RGS1: variants seen among roughly 807,000 people sequenced by gnomAD.
The protein encoded by RGS1 is regulator of G protein signaling 1.
RGS1 carries 11 observed loss-of-function variants against 22.2 expected under a neutral mutation model. The ratio of observed to expected loss-of-function variants is 0.50; its 90% CI spans 0.31 to 0.82. The LOEUF is 0.82. Among genes scored for constraint, RGS1 ranks in the 40% least tolerant of loss-of-function variants. The pLI is 0.04. For missense variants in RGS1, 255 were observed against 245.8 expected (o/e 1.04, Z -0.25); for synonymous variants, 81 against 79.9 (o/e 1.01, Z -0.07).
intron 1 of RGS1, 113 bp downstream of exon 1, chr1:192,576,042 A>C: frequency 1.6e-6 from 2 of 1,246,868 alleles, no homozygotes; most frequent in Non-Finnish European, 2.2e-6. Flanking sequence ...AGATCAGAGG[A>C]GTTAATTGCC....
In RGS1 at chr1:192,576,385, A is replaced by G; in HGVS notation, c.218+20A>G. ...GGATGTGTAAGTACACTAATACACT[A>G]AACTATCATTATCATTTACAAGAGA... On this transcript the variant is annotated intron_variant, in intron 2 of 4. Transcript: ENST00000367459. 1 of 1,522,352 alleles carries G rather than the reference A, an allele frequency of 6.6e-7. No individual in the cohort carries two copies. Among genetic ancestry groups the G allele is most frequent in the Non-Finnish European group, 9.1e-7 (1 of 1,098,276 alleles). The allele number at this position is 1,522,352 out of a possible 1,614,324, so 94.3% of individuals were successfully genotyped here. A position where few individuals can be genotyped will look rare whatever the true frequency, so the allele number is the denominator to read the frequency against.
intron 4 of RGS1, chr1:192,578,918 C>CTA (rs1351421416): frequency 1.9e-6 from 1 of 517,444 alleles, no homozygotes; most frequent in East Asian, 3.3e-5. Flanking sequence ...CCTCTCCTAA[C>CTA]TATACTATGA....
chr1:192,578,357 C>T lies in RGS1; in HGVS notation c.416C>T (p.Ala139Val), dbSNP rs1337656984. 2 of 1,612,912 alleles carry T rather than the reference C, an allele frequency of 1.2e-6. No homozygotes were observed. Among genetic ancestry groups the T allele is most frequent in the South Asian group, 2.2e-5 (2 of 91,048 alleles). The stretch of plus-strand genomic sequence containing the variant: ...TGTAAAGCAGAAGAGATATATAAAG[C>T]ATTTGTGCATTCAGATGCTGCTAAA... ...LPCKAEEIYKAFVHSDAAKQI... is the reference protein window; with the variant it reads ...LPCKAEEIYKVFVHSDAAKQI... The change falls in exon 4 of 5, where the codon GCA becomes GTA. Residue 139 changes from alanine (A) to valine (V), a missense_variant. Coordinates refer to ENST00000367459, the MANE Select transcript of RGS1 (RefSeq NM_002922.4).
In RGS1 at chr1:192,579,310, T is replaced by C; in HGVS notation, c.618T>C (p.Asn206=). 3 of 1,612,418 alleles carry C rather than the reference T, an allele frequency of 1.9e-6. No homozygotes were observed. The highest frequency in any genetic ancestry group is 1.7e-6 in the Non-Finnish European group (2 of 1,178,992). ...YLNLLNDLQA[N]SLK is the part of the protein sequence containing the mutation. The stretch of plus-strand genomic sequence containing the variant: ...ATCTTCTAAATGACCTGCAGGCTAA[T>C]AGCCTAAAGTGACTGGTCCCTGGCT... The change falls in exon 5 of 5, where the codon AAT becomes AAC. Residue 206 remains asparagine (N), a synonymous_variant. Coordinates refer to ENST00000367459, the MANE Select transcript of RGS1 (RefSeq NM_002922.4).
intron 3 of RGS1, 45 bp from the exon 4 acceptor site, chr1:192,578,177 C>A (rs1276231404): frequency 6.4e-6 from 10 of 1,558,740 alleles, no homozygotes; most frequent in Admixed American, 2.1e-5. Flanking sequence ...TTTGTTGGTT[C>A]ATTTAATTTA....
intron 1 of RGS1, 62 bp downstream of exon 1, chr1:192,575,991 T>C (rs1301549958): frequency 2.3e-5 from 37 of 1,586,102 alleles, no homozygotes; most frequent in East Asian, 1.4e-4. Flanking sequence ...GGCAGAAGGA[T>C]TGAGAATGAA....
chr1:192,576,973 A>G (rs1474246934), intron 3 of RGS1, 138 bp downstream of exon 3: 1 of 628,490 alleles, frequency 1.6e-6, no homozygotes, highest in Non-Finnish European at 2.6e-6. Flanking sequence ...TGATAACTTC[A>G]GCATAGTATG....
At chr1:192,579,030 T>A in intron 4 of RGS1, 107 bp from the exon 5 acceptor site, 1 of 1,053,396 alleles carries the variant, frequency 9.5e-7, no homozygotes, top group Non-Finnish European at 1.4e-6. Context: ...TGAATTGATT[T>A]AAATGAGGCC....
At position 192,578,363 on chromosome 1, in the gene RGS1, T is replaced by C. The variant is rs765426961; in HGVS notation, c.422T>C (p.Val141Ala). 4 of 1,612,742 alleles carry C rather than the reference T, an allele frequency of 2.5e-6. No homozygotes were observed. The African/African-American group carries it at 4.0e-5, about 16-fold the overall frequency. Residue 141 changes from valine to alanine, a missense_variant, in exon 4 of 5, where the codon GTG (valine) becomes GCG (alanine). By Grantham distance (64) the Val-to-Ala change is moderately conservative. Coordinates refer to ENST00000367459, the MANE Select transcript of RGS1 (RefSeq NM_002922.4). ...CKAEEIYKAF[V>A]HSDAAKQINI... ...GCAGAAGAGATATATAAAGCATTTG[T>C]GCATTCAGATGCTGCTAAACAAGTG...
At position 192,579,248 on chromosome 1, in the gene RGS1, T is replaced by A; in HGVS notation, c.556T>A (p.Ser186Thr). Residue 186 changes from serine to threonine, a missense_variant, in exon 5 of 5, where the codon TCT (serine) becomes ACT (threonine). By Grantham distance (58) the Ser-to-Thr change is moderately conservative (BLOSUM62 1). Coordinates refer to ENST00000367459, the MANE Select transcript of RGS1 (RefSeq NM_002922.4). The part of the protein sequence containing the change: ...KVIYTLMEKD[S>T]YPRFLKSDIY... ...CATATATACTCTTATGGAAAAGGACTCTTATCCCAGGTTCCTCAAATCAGA... is the reference window on the plus strand; with the variant it reads ...CATATATACTCTTATGGAAAAGGACACTTATCCCAGGTTCCTCAAATCAGA... 1 of 1,613,194 alleles carries A rather than the reference T, an allele frequency of 6.2e-7. No individual in the cohort carries two copies. Among genetic ancestry groups the A allele is most frequent in the Non-Finnish European group, 8.5e-7 (1 of 1,179,384 alleles).
intron 4 of RGS1, 115 bp downstream of exon 4, chr1:192,578,500 C>T (rs1423045943): frequency 9.2e-7 from 1 of 1,089,508 alleles, no homozygotes; most frequent in East Asian, 2.5e-5. Context: ...TTTACTTCTA[C>T]ATACTTAGGC....
Position 192,579,429 on chromosome 1 carries a change from G to A in RGS1, c.*107G>A, listed in dbSNP as rs2816308. 6.2e-6 allele frequency: 6 copies of A among 968,434 alleles called. No homozygotes were observed. Among genetic ancestry groups the A allele is most frequent in the Non-Finnish European group, 9.4e-6 (6 of 640,556 alleles). The allele number at this position is 968,434 out of a possible 1,614,324, so 60.0% of individuals were successfully genotyped here. ...TGGCCTTTTTTGGGTGTCTTGACAGGCCAAGAAGAACAAATGACTCAGAAT... is the reference window on the plus strand; with the variant it reads ...TGGCCTTTTTTGGGTGTCTTGACAGACCAAGAAGAACAAATGACTCAGAAT... On this transcript the variant is annotated 3_prime_UTR_variant, in exon 5 of 5. Transcript: ENST00000367459.
At chr1:192,576,454 C>A in intron 2 of RGS1, 89 bp downstream of exon 2, 2 of 902,588 alleles carry the variant, frequency 2.2e-6, no homozygotes, top group Non-Finnish European at 3.5e-6. Flanking sequence ...ATAAATACTG[C>A]GCACAGTAGA....
chr1:192,576,977 T>C (rs762387031), intron 3 of RGS1, 142 bp downstream of exon 3: 10 of 598,794 alleles, frequency 1.7e-5, no homozygotes, highest in Non-Finnish European at 2.7e-5. Context: ...AACTTCAGCA[T>C]AGTATGCCTC....
At chr1:192,578,406 C>T (rs1471609381) in intron 4 of RGS1, 21 bp downstream of exon 4, 1 of 1,610,028 alleles carries the variant, frequency 6.2e-7, no homozygotes, top group Non-Finnish European at 8.5e-7. Flanking sequence ...AGCTTATCAT[C>T]ATCAGTTTCT....
In RGS1 at chr1:192,576,267, C is replaced by T; in HGVS notation, c.138-18C>T. Reference sequence around the variant, plus strand: ...AATTCTGAAGAAATATGAATATTCACTTTTATGTCTTTTGTAGTGGAATGG... The same window carrying T: ...AATTCTGAAGAAATATGAATATTCATTTTTATGTCTTTTGTAGTGGAATGG... On this transcript the variant is annotated intron_variant, in intron 1 of 4. Coordinates refer to ENST00000367459, the MANE Select transcript of RGS1 (RefSeq NM_002922.4). 8.5e-6 allele frequency: 13 copies of T among 1,535,294 alleles called. No homozygotes were observed. Among genetic ancestry groups the T allele is most frequent in the South Asian group, 1.1e-5 (1 of 87,380 alleles).
intron 3 of RGS1, chr1:192,577,917 T>G (rs901266670): frequency 6.3e-6 from 2 of 316,104 alleles, no homozygotes; most frequent in East Asian, 1.2e-4. Context: ...GGTTTTATAT[T>G]CAGTGGAGCA....
At chr1:192,579,041 T>C in intron 4 of RGS1, 96 bp from the exon 5 acceptor site, 1 of 1,242,038 alleles carries the variant, frequency 8.1e-7, no homozygotes, top group Non-Finnish European at 1.1e-6. Flanking sequence ...AAATGAGGCC[T>C]TAAAATTACT....
intron 2 of RGS1, 178 bp from the exon 3 acceptor site, chr1:192,576,596 T>C: frequency 1.5e-6 from 1 of 681,874 alleles, no homozygotes; most frequent in Non-Finnish European, 2.4e-6. Context: ...GGCAGGTTTT[T>C]TTTTTCATAA....
Sources: gnomAD v4.1 joint callset for allele counts on GRCh38, gnomAD v4.1.1 for gene constraint, MANE v1.5 for transcripts, NCBI Gene and HGNC (gene_info 2026-07-23, HGNC 2026-07-21) for gene names.